ZFYVE9: variants seen among roughly 807,000 people sequenced by gnomAD.
The protein encoded by ZFYVE9 is zinc finger FYVE domain-containing protein 9.
Under a neutral mutation model 126.7 loss-of-function variants are expected in ZFYVE9, and 43 were observed. The observed-to-expected ratio is 0.34, with a 90% CI of 0.27 to 0.44. The LOEUF is 0.44. Ranked by LOEUF, ZFYVE9 falls within the 20% of genes least tolerant of loss-of-function variation. The pLI, the probability that ZFYVE9 is intolerant of heterozygous loss-of-function variation, is 1.00. For synonymous variants in ZFYVE9, 521 were observed against 597.4 expected (o/e 0.87, Z 1.87); for missense variants, 1,476 against 1,697.0 (o/e 0.87, Z 2.29).
rs35283062 is a variant in ZFYVE9 at position 52,342,267 on chromosome 1, C to CTT, written c.3939+2051_3939+2052dup. Reference sequence around the variant, plus strand: ...CATTTCTGTGTCTTTTATATTTTGCCTTTTTTTTTTTTTTTTGAGACAGAG... The same window carrying CTT: ...CATTTCTGTGTCTTTTATATTTTGCCTTTTTTTTTTTTTTTTTTGAGACAGAG... On this transcript the variant is annotated intron_variant, in intron 17 of 18. Transcript: ENST00000287727. Among the ~76,000 whole-genome samples the CTT allele has an allele frequency of 5.9e-3, 780 of 133,144 alleles. 19 individuals carry two copies. The highest frequency in any genetic ancestry group is 0.025 in the Admixed American group (314 of 12,670). The allele number at this position is 133,144 out of a possible 152,430, so 87.3% of individuals were successfully genotyped here.
At chr1:52,215,490 G>A (rs1337945730) in intron 1 of ZFYVE9, among the ~76,000 whole-genome samples, 1 of 152,030 alleles carries the variant, frequency 6.6e-6, no homozygotes, top group Non-Finnish European at 1.5e-5. Context: ...TATTTGTAAT[G>A]TCAGGAAATT....
At chr1:52,275,583 T>C (rs888001666) in intron 8 of ZFYVE9, among the ~76,000 whole-genome samples, 29 of 152,218 alleles carry the variant, frequency 1.9e-4, no homozygotes, top group African/African-American at 7.0e-4. Flanking sequence ...ATAGCCATTC[T>C]GACTGGTGTG....
At chr1:52,243,542 A>G (rs1202036967) in intron 4 of ZFYVE9, among the ~76,000 whole-genome samples, 1 of 152,224 alleles carries the variant, frequency 6.6e-6, no homozygotes, top group Non-Finnish European at 1.5e-5. Context: ...GTAGAACAGC[A>G]TGGACAAAGT....
chr1:52,251,451 G>A (rs918686144), intron 4 of ZFYVE9, among the ~76,000 whole-genome samples: 1 of 151,774 alleles, frequency 6.6e-6, no homozygotes, highest in African/African-American at 2.4e-5. Context: ...TATGAATTGA[G>A]ATGATCATTT....
At chr1:52,268,689 G>A in intron 7 of ZFYVE9, 57 bp downstream of exon 7, 1 of 1,558,422 alleles carries the variant, frequency 6.4e-7, no homozygotes, top group Non-Finnish European at 8.7e-7. Flanking sequence ...GCATTGTGCT[G>A]CCTCTGTTGA....
chr1:52,329,573 A>C (rs1569768486), intron 13 of ZFYVE9, among the ~76,000 whole-genome samples: 1 of 152,306 alleles, frequency 6.6e-6, no homozygotes, highest in East Asian at 1.9e-4. Context: ...AATGGGAGAA[A>C]ATATTTTCAG....
chr1:52,241,682 A>T (rs1645335456), intron 4 of ZFYVE9, among the ~76,000 whole-genome samples: 1 of 152,162 alleles, frequency 6.6e-6, no homozygotes, highest in African/African-American at 2.4e-5. Context: ...ATGGATTCAT[A>T]ATTTCATCTT....
At chr1:52,284,423 AT>A (rs199926823) in intron 10 of ZFYVE9, among the ~76,000 whole-genome samples, 2,079 of 144,896 alleles carry the variant, frequency 0.014, 34 homozygotes, top group African/African-American at 0.044. Context: ...TTTAGCATAA[AT>A]TTTTTTTTTT....
At chr1:52,179,217 G>C (rs982841631) in intron 1 of ZFYVE9, among the ~76,000 whole-genome samples, 6 of 152,212 alleles carry the variant, frequency 3.9e-5, no homozygotes, top group African/African-American at 1.4e-4. Context: ...AGGCGATGGA[G>C]TGCAGAAGAC....
chr1:52,263,447 C>T (rs938012124), intron 4 of ZFYVE9, among the ~76,000 whole-genome samples: 1 of 152,146 alleles, frequency 6.6e-6, no homozygotes, highest in African/African-American at 2.4e-5. Context: ...TATCTTTCAA[C>T]ACCCATGTTA....
intron 2 of ZFYVE9, among the ~76,000 whole-genome samples, chr1:52,231,861 A>T (rs1395815361): frequency 1.3e-5 from 2 of 152,084 alleles, no homozygotes; most frequent in Non-Finnish European, 2.9e-5. Context: ...TCCTGACCTC[A>T]GGTGATCTAC....
rs180849490 is a variant in ZFYVE9 at position 52,235,692 on chromosome 1, C to T, written c.71-1796C>T. On this transcript the variant is annotated intron_variant, in intron 3 of 18. Transcript: ENST00000287727. Reference sequence around the variant, plus strand: ...GATTTACTTATTGCTTCCTTAAATTCTTATATTTGGGGATATGCTTTTCTT... The same window carrying T: ...GATTTACTTATTGCTTCCTTAAATTTTTATATTTGGGGATATGCTTTTCTT... Among the ~76,000 whole-genome samples, 5 of 152,186 alleles carry T rather than the reference C, an allele frequency of 3.3e-5. No homozygotes were observed. In the East Asian group the frequency reaches 9.6e-4, roughly 29 times the overall value.
chr1:52,331,450 TAAAAAA>T (rs527807876), intron 13 of ZFYVE9, among the ~76,000 whole-genome samples: 5,194 of 136,372 alleles, frequency 0.038, 322 homozygotes, highest in African/African-American at 0.13. Context: ...CCCTGTCTCT[TAAAAAA>T]AAAAAAAAAG....
At chr1:52,252,729 T>A in intron 4 of ZFYVE9, 1 of 458,332 alleles carries the variant, frequency 2.2e-6, no homozygotes, top group Non-Finnish European at 4.5e-6. Flanking sequence ...CTGCAAATCC[T>A]GCAGCAGCAA....
intron 1 of ZFYVE9, among the ~76,000 whole-genome samples, chr1:52,153,318 G>C (rs1386341721): frequency 6.6e-6 from 1 of 152,198 alleles, no homozygotes; most frequent in African/African-American, 2.4e-5. Context: ...AGTGAGACAG[G>C]CCTCAGGCTC....
chr1:52,182,182 C>T (rs1382156567), intron 1 of ZFYVE9, among the ~76,000 whole-genome samples: 1 of 152,078 alleles, frequency 6.6e-6, no homozygotes, highest in Non-Finnish European at 1.5e-5. Context: ...AGGGGCGCCT[C>T]TGCCCGGCCG....
chr1:52,293,208 C>T (rs1645939946), intron 10 of ZFYVE9, among the ~76,000 whole-genome samples: 1 of 151,718 alleles, frequency 6.6e-6, no homozygotes, highest in South Asian at 2.1e-4. Flanking sequence ...GAAACCCCGT[C>T]TCCACTAAAA....
chr1:52,196,007 T>A (rs1354154577), intron 1 of ZFYVE9, among the ~76,000 whole-genome samples: 2 of 152,106 alleles, frequency 1.3e-5, no homozygotes, highest in Non-Finnish European at 2.9e-5. Context: ...TTGGCCAGGC[T>A]GGTCTCGAAC....
At chr1:52,244,890 G>T (rs746853784) in intron 4 of ZFYVE9, among the ~76,000 whole-genome samples, 1 of 152,100 alleles carries the variant, frequency 6.6e-6, no homozygotes, top group South Asian at 2.1e-4. Context: ...GGATGCAGTG[G>T]CTCATGCCTG....
Sources: gnomAD v4.1 joint callset for allele counts (sites outside exome capture counted in the v4.1 genomes callset) on GRCh38, gnomAD v4.1.1 for gene constraint, MANE v1.5 for transcripts, NCBI Gene and HGNC (gene_info 2026-07-23, HGNC 2026-07-21) for gene names.